The following SH3BGRL2 variants were observed in gnomAD, a reference collection of about 807,000 sequenced individuals.
SH3BGRL2 encodes SH3 domain-binding glutamic acid-rich-like protein 2.
In SH3BGRL2, 21 loss-of-function variants were observed where a neutral mutation model predicts 14.8. The observed-to-expected ratio is 1.42, with a 90% CI of 1.01 to 2.05. The LOEUF is 2.05. Ranked by LOEUF, SH3BGRL2 falls within the 30% of genes most tolerant of loss-of-function variation. SH3BGRL2 has a pLI of 0.00. For missense variants in SH3BGRL2, 147 were observed against 130.8 expected (o/e 1.12, Z -0.61); for synonymous variants, 50 against 47.8 (o/e 1.05, Z -0.19).
chr6:79,692,858 A>G (rs1355384263), intron 2 of SH3BGRL2, among the ~76,000 whole-genome samples: 2 of 152,172 alleles, frequency 1.3e-5, no homozygotes, highest in Non-Finnish European at 2.9e-5. Context: ...TTGGTTCCAT[A>G]TGAACTTTAA....
At chr6:79,582,701 A>T in the SH3BGRL2 span, among the ~76,000 whole-genome samples, 1,009 of 152,306 alleles carry the variant, frequency 6.6e-3, 41 homozygotes, top group Admixed American at 0.06. Context: ...AACCTAGGCA[A>T]TACCATTCAG....
At chr6:79,610,220 G>A in the SH3BGRL2 span, among the ~76,000 whole-genome samples, 2 of 152,208 alleles carry the variant, frequency 1.3e-5, no homozygotes, top group African/African-American at 2.4e-5. Context: ...TCAAGTCTGT[G>A]GCTGCCACTA....
chr6:79,625,186 A>G, the SH3BGRL2 span, among the ~76,000 whole-genome samples: 1 of 145,004 alleles, frequency 6.9e-6, no homozygotes, highest in Non-Finnish European at 1.5e-5. Context: ...TAAAAAAAAT[A>G]TATATATACA....
At chr6:79,554,045 G>A in the SH3BGRL2 span, among the ~76,000 whole-genome samples, 2 of 151,782 alleles carry the variant, frequency 1.3e-5, 1 homozygote, top group African/African-American at 4.8e-5. Context: ...TCCTCCTGAA[G>A]AAATACTACA....
At chr6:79,672,236 C>T (rs1769788810) in intron 1 of SH3BGRL2, among the ~76,000 whole-genome samples, 1 of 152,196 alleles carries the variant, frequency 6.6e-6, no homozygotes, top group African/African-American at 2.4e-5. Context: ...TGAATATTAA[C>T]ACATTTATTA....
the SH3BGRL2 span, among the ~76,000 whole-genome samples, chr6:79,609,933 G>A: frequency 1.3e-5 from 2 of 152,246 alleles, no homozygotes; most frequent in Admixed American, 6.5e-5. Flanking sequence ...ATTTATTATG[G>A]CATTTTTGCA....
the SH3BGRL2 span, among the ~76,000 whole-genome samples, chr6:79,567,679 T>C: frequency 6.6e-6 from 1 of 152,194 alleles, no homozygotes; most frequent in Non-Finnish European, 1.5e-5. Flanking sequence ...TAGATTATTT[T>C]TGCAAATGTA....
the SH3BGRL2 span, among the ~76,000 whole-genome samples, chr6:79,596,202 A>G: frequency 6.6e-6 from 1 of 152,380 alleles, no homozygotes; most frequent in East Asian, 1.9e-4. Flanking sequence ...TCTGTCACCC[A>G]GGCTAGAGTG....
the SH3BGRL2 span, among the ~76,000 whole-genome samples, chr6:79,588,649 A>G: frequency 1.3e-5 from 2 of 152,230 alleles, no homozygotes; most frequent in Non-Finnish European, 2.9e-5. Context: ...TGAAGTGTAT[A>G]AAAGTATCAA....
At chr6:79,606,678 T>C in the SH3BGRL2 span, among the ~76,000 whole-genome samples, 1 of 152,218 alleles carries the variant, frequency 6.6e-6, no homozygotes, top group Non-Finnish European at 1.5e-5. Flanking sequence ...TCATGTAAAC[T>C]CAGGATAATT....
chr6:79,655,842 A>T (rs760319678), intron 1 of SH3BGRL2, among the ~76,000 whole-genome samples: 3 of 152,152 alleles, frequency 2.0e-5, no homozygotes, highest in African/African-American at 7.2e-5. Context: ...AGTCTTCCTG[A>T]ATCTGAAACT....
chr6:79,539,261 G>A, the SH3BGRL2 span, among the ~76,000 whole-genome samples: 8 of 152,140 alleles, frequency 5.3e-5, no homozygotes, highest in African/African-American at 1.9e-4. Context: ...AGTTTTAAAA[G>A]TTTTATGACA....
At chr6:79,556,946 C>A in the SH3BGRL2 span, among the ~76,000 whole-genome samples, 1 of 151,732 alleles carries the variant, frequency 6.6e-6, no homozygotes, top group African/African-American at 2.4e-5. Flanking sequence ...AATATATGTT[C>A]TGATTTGTCT....
At chr6:79,615,038 G>C in the SH3BGRL2 span, among the ~76,000 whole-genome samples, 1 of 122,354 alleles carries the variant, frequency 8.2e-6, no homozygotes, top group South Asian at 2.5e-4. Context: ...TAGGTTGCCT[G>C]CATAAGCGAC....
At chr6:79,575,641 T>C in the SH3BGRL2 span, 1 of 152,254 alleles carries the variant, frequency 6.6e-6, no homozygotes, top group South Asian at 2.1e-4. Context: ...TTTTTTTTAC[T>C]TAAAGTTTTT....
chr6:79,688,115 T>G (rs1770137831), intron 2 of SH3BGRL2, among the ~76,000 whole-genome samples: 2 of 152,124 alleles, frequency 1.3e-5, no homozygotes, highest in Non-Finnish European at 2.9e-5. Flanking sequence ...CTCTACCTGT[T>G]GTAGATTTTA....
the SH3BGRL2 span, among the ~76,000 whole-genome samples, chr6:79,544,634 G>A: frequency 6.6e-6 from 1 of 152,102 alleles, no homozygotes; most frequent in African/African-American, 2.4e-5. Flanking sequence ...CCCAGCAACC[G>A]AGAATAGATG....
intron 1 of SH3BGRL2, among the ~76,000 whole-genome samples, chr6:79,634,942 C>T (rs895969748): frequency 6.6e-6 from 1 of 152,094 alleles, no homozygotes; most frequent in Non-Finnish European, 1.5e-5. Flanking sequence ...TTGAGCCCAT[C>T]CTGCTCAAGC....
chr6:79,572,522 G>T, the SH3BGRL2 span, among the ~76,000 whole-genome samples: 1 of 152,038 alleles, frequency 6.6e-6, no homozygotes, highest in South Asian at 2.1e-4. Context: ...CTGGAGTGCA[G>T]TGGCGTGATC....
Sources: allele counts gnomAD v4.1 joint callset (sites outside exome capture counted in the v4.1 genomes callset), GRCh38; gene constraint gnomAD v4.1.1; transcripts MANE v1.5; gene names NCBI Gene and HGNC (gene_info 2026-07-23, HGNC 2026-07-21).